Variants in FLT4 observed in about 807,000 individuals in gnomAD.
The protein encoded by FLT4 is fms related receptor tyrosine kinase 4.
In FLT4, 30 loss-of-function variants were observed where a neutral mutation model predicts 163.2. The observed-to-expected ratio is 0.18, with a 90% CI of 0.14 to 0.25. The LOEUF is 0.25. FLT4 is among the 10% of genes least tolerant of loss of function. FLT4 has a pLI of 1.00. For missense variants in FLT4, 1,510 were observed against 1,863.8 expected, an observed-to-expected ratio of 0.81 and a Z score of 3.50; for synonymous variants, 884 against 789.5, an observed-to-expected ratio of 1.12 and a Z score of -2.01.
At chr5:180,634,278 C>T (rs373191559) in intron 1 of FLT4, among the ~76,000 whole-genome samples, 23 of 152,350 alleles carry the variant, frequency 1.5e-4, no homozygotes, top group South Asian at 1.2e-3. Flanking sequence ...TCCTCCTCTT[C>T]GAGCTTCTGC....
chr5:180,646,917 G>A (rs1419065769), intron 1 of FLT4, among the ~76,000 whole-genome samples: 1 of 152,206 alleles, frequency 6.6e-6, no homozygotes, highest in Non-Finnish European at 1.5e-5. Flanking sequence ...CACTGGCTCT[G>A]TGCCATAGGC....
rs1581594556 is a variant in FLT4 at position 180,601,802 on chromosome 5, G to C, written c.*1390C>G. 1 of 233,122 alleles carries C rather than the reference G, an allele frequency of 4.3e-6. No individual in the cohort carries two copies. Among genetic ancestry groups the C allele is most frequent in the East Asian group, 6.0e-5 (1 of 16,562 alleles). 14.4% of individuals were successfully genotyped at this position (233,122 alleles called of 1,614,324 possible). On this transcript the variant is annotated 3_prime_UTR_variant, in exon 30 of 30. Transcript: ENST00000261937. ...GAAGATGACCTTATACGTGCACTCGGCATATCCTGGAGTAACGCGCAGTGG... is the reference window on the plus strand; with the variant it reads ...GAAGATGACCTTATACGTGCACTCGCCATATCCTGGAGTAACGCGCAGTGG...
At position 180,630,357 on chromosome 5, in the gene FLT4, T is replaced by A; in HGVS notation, c.401-20A>T. ...CAAAGTCTATGGAGAGGGAGCAAGC[T>A]GTTGGGGAAGGGACGTGGCGGCCAG... On this transcript the variant is annotated intron_variant, in intron 3 of 29. Coordinates refer to ENST00000261937, the MANE Select transcript of FLT4 (RefSeq NM_182925.5). This position sits in a 1 kb window ranked among gnomAD's most constrained non-coding sequence, Gnocchi z 6.3. 6.2e-7 allele frequency: 1 copy of A among 1,601,284 alleles called. No homozygotes were observed. Among genetic ancestry groups the A allele is most frequent in the South Asian group, 1.1e-5 (1 of 90,982 alleles).
intron 1 of FLT4, among the ~76,000 whole-genome samples, chr5:180,637,689 C>T (rs1022221771): frequency 3.9e-5 from 6 of 152,140 alleles, no homozygotes; most frequent in Admixed American, 1.3e-4. Flanking sequence ...TGCGCCATCA[C>T]GCCCAGCTAA....
intron 26 of FLT4, 84 bp from the exon 27 acceptor site, chr5:180,611,563 C>A: frequency 1.4e-6 from 2 of 1,427,538 alleles, no homozygotes; most frequent in Non-Finnish European, 1.9e-6. Flanking sequence ...CCCTCACCCC[C>A]GCCCTCAGCC....
Position 180,616,911 on chromosome 5 carries a change from C to T in FLT4, c.3085G>A (p.Ala1029Thr). ...FQVARGMEFL[A>T]SRKCIHRDLA... ...CGGGGGAAGCTCACCTTTCGGGAAG[C>T]CAGGAACTCCATCCCTCTGGCCACC... Residue 1029 changes from alanine to threonine, a missense_variant, in exon 22 of 30, where the codon GCT becomes ACT. Physicochemically the swap from Ala to Thr is moderately conservative, Grantham distance 58. Coordinates refer to ENST00000261937, the MANE Select transcript of FLT4 (RefSeq NM_182925.5). 6.2e-7 allele frequency: 1 copy of T among 1,613,208 alleles called. No individual in the cohort carries two copies. Among genetic ancestry groups the T allele is most frequent in the Non-Finnish European group, 8.5e-7 (1 of 1,179,726 alleles).
At chr5:180,625,750 G>A in intron 10 of FLT4, 119 bp downstream of exon 10, 1 of 926,384 alleles carries the variant, frequency 1.1e-6, no homozygotes, top group Admixed American at 2.0e-5. Context: ...TCAGAGCAGG[G>A]CCCTGAGAAG....
At chr5:180,645,478 C>T (rs1561765885) in intron 1 of FLT4, among the ~76,000 whole-genome samples, 1 of 152,194 alleles carries the variant, frequency 6.6e-6, no homozygotes, top group Non-Finnish European at 1.5e-5. Flanking sequence ...AAATCGGGGC[C>T]ACCAGCTCCT....
At chr5:180,611,601 C>T (rs571012957) in intron 26 of FLT4, 122 bp from the exon 27 acceptor site, 3 of 1,074,346 alleles carry the variant, frequency 2.8e-6, no homozygotes, top group South Asian at 1.4e-5. Flanking sequence ...CCCTCGCCCC[C>T]GCACTCAGCT....
chr5:180,622,025 G>A, intron 12 of FLT4, 121 bp from the exon 13 acceptor site: 2 of 1,225,838 alleles, frequency 1.6e-6, no homozygotes, highest in Non-Finnish European at 1.1e-6. Context: ...GCCCCAGCTG[G>A]ACTGCTTGCC....
chr5:180,641,529 G>C (rs887162844), intron 1 of FLT4, among the ~76,000 whole-genome samples: 1 of 152,224 alleles, frequency 6.6e-6, no homozygotes, highest in Admixed American at 6.5e-5. Context: ...CTGCAGACTG[G>C]AGGGAGCTGG....
intron 1 of FLT4, among the ~76,000 whole-genome samples, chr5:180,633,550 C>T (rs1764331509): frequency 6.6e-6 from 1 of 152,180 alleles, no homozygotes; most frequent in Non-Finnish European, 1.5e-5. Context: ...CTGGGGCTGC[C>T]ATGAGAGGAG....
intron 28 of FLT4, chr5:180,609,531 G>T (rs1581610434): frequency 2.7e-6 from 1 of 363,956 alleles, no homozygotes; most frequent in Admixed American, 4.2e-5. Context: ...TCTCCAAGTG[G>T]CCCTGGAGGC....
chr5:180,610,227 C>T (rs1371997745), intron 27 of FLT4, among the ~76,000 whole-genome samples: 1 of 152,238 alleles, frequency 6.6e-6, no homozygotes, highest in South Asian at 2.1e-4. Flanking sequence ...CCCAGCAGCA[C>T]CCTGGGCTGT....
intron 28 of FLT4, chr5:180,609,386 G>A (rs1762002552): frequency 4.3e-6 from 2 of 460,322 alleles, no homozygotes; most frequent in Admixed American, 3.4e-5. Context: ...CTGGCAGCTC[G>A]TAGTTCAAAA....
chr5:180,609,509 A>G, intron 28 of FLT4: 1 of 353,640 alleles, frequency 2.8e-6, no homozygotes, highest in Non-Finnish European at 5.4e-6. Context: ...ATCTTTTCAG[A>G]GTCCCCCAAC....
intron 1 of FLT4, among the ~76,000 whole-genome samples, chr5:180,646,401 A>C: frequency 6.6e-6 from 1 of 151,494 alleles, no homozygotes; most frequent in Non-Finnish European, 1.5e-5. Context: ...CCTACCTCCC[A>C]TCCACTCCTC....
chr5:180,645,692 G>T (rs1294189872), intron 1 of FLT4, among the ~76,000 whole-genome samples: 1 of 152,162 alleles, frequency 6.6e-6, no homozygotes, highest in Non-Finnish European at 1.5e-5. Flanking sequence ...GTCCAGCCCG[G>T]CCAGGGCTGG....
At chr5:180,606,924 C>T in intron 29 of FLT4, among the ~76,000 whole-genome samples, 1 of 121,776 alleles carries the variant, frequency 8.2e-6, no homozygotes, top group African/African-American at 3.0e-5. Context: ...AACAAACAAA[C>T]AAACTTAGCT....
Sources: allele counts gnomAD v4.1 joint callset (sites outside exome capture counted in the v4.1 genomes callset), GRCh38; gene constraint gnomAD v4.1.1; non-coding constraint Gnocchi (gnomAD v3.1); transcripts MANE v1.5; gene names NCBI Gene and HGNC (gene_info 2026-07-23, HGNC 2026-07-21).